The following MYO5A variants were observed in gnomAD, a reference collection of about 807,000 sequenced individuals.
MYO5A encodes myosin VA.
In MYO5A, 98 loss-of-function variants were observed where a neutral mutation model predicts 249.7. The observed-to-expected ratio is 0.39, with a 90% confidence interval of 0.33 to 0.46. The LOEUF (loss-of-function observed/expected upper bound fraction) is 0.46, where lower values mean the gene tolerates loss of function less well. MYO5A is among the 20% of genes least tolerant of loss of function. The probability of loss-of-function intolerance (pLI) is 0.98; values close to 1 mark genes in which losing one functional copy is unlikely to be tolerated. For missense variants in MYO5A, 1,696 were observed against 2,308.8 expected, an observed-to-expected ratio of 0.73 and a Z score of 5.44; for synonymous variants, 778 against 810.6, an observed-to-expected ratio of 0.96 and a Z score of 0.68.
chr15:52,390,849 C>T (rs1005069394), intron 12 of MYO5A, among the ~76,000 whole-genome samples: 2 of 152,100 alleles, frequency 1.3e-5, no homozygotes, highest in Non-Finnish European at 2.9e-5. Context: ...ATAAGCCCAT[C>T]ATGCCCGGCC....
chr15:52,419,553 A>G (rs1486740132), intron 4 of MYO5A, among the ~76,000 whole-genome samples: 2 of 152,206 alleles, frequency 1.3e-5, no homozygotes, highest in Non-Finnish European at 2.9e-5. Context: ...ATGAGTTTAC[A>G]ATTATAATAT....
At chr15:52,489,025 G>A (rs148841838) in intron 1 of MYO5A, among the ~76,000 whole-genome samples, 56 of 152,226 alleles carry the variant, frequency 3.7e-4, no homozygotes, top group Admixed American at 7.9e-4. Flanking sequence ...TCTACATGGC[G>A]TGTACATGCA....
intron 33 of MYO5A, among the ~76,000 whole-genome samples, chr15:52,337,215 T>C (rs564034591): frequency 1.3e-5 from 2 of 152,322 alleles, no homozygotes; most frequent in South Asian, 4.1e-4. Context: ...TATTTATGAA[T>C]GCTTTATGCA....
chr15:52,466,414 T>C (rs1019475071), intron 1 of MYO5A, among the ~76,000 whole-genome samples: 2 of 152,168 alleles, frequency 1.3e-5, no homozygotes, highest in African/African-American at 2.4e-5. Flanking sequence ...AGGTGTAGTA[T>C]TGAGCTGCAC....
chr15:52,454,821 G>T (rs1247570410), intron 1 of MYO5A, among the ~76,000 whole-genome samples: 1 of 151,884 alleles, frequency 6.6e-6, no homozygotes, highest in Non-Finnish European at 1.5e-5. Context: ...TACAGCAAAA[G>T]CAGTACTAAG....
chr15:52,347,451 C>A (rs60326752), intron 29 of MYO5A, among the ~76,000 whole-genome samples: 5,583 of 152,254 alleles, frequency 0.037, 347 homozygotes, highest in African/African-American at 0.13. Flanking sequence ...AGCTTTTGGA[C>A]CACATATTTG....
chr15:52,437,615 A>AG (rs1491538327), intron 1 of MYO5A, among the ~76,000 whole-genome samples: 15 of 137,872 alleles, frequency 1.1e-4, no homozygotes, highest in African/African-American at 3.8e-4. Context: ...AAAAAAAAAA[A>AG]AGAGAGAGAG....
chr15:52,448,443 C>T (rs2075941419), intron 1 of MYO5A, among the ~76,000 whole-genome samples: 1 of 152,124 alleles, frequency 6.6e-6, no homozygotes. Flanking sequence ...ATTTTACAGG[C>T]TCATAGGCAA....
At chr15:52,524,117 C>T (rs899768839) in intron 1 of MYO5A, among the ~76,000 whole-genome samples, 1 of 152,218 alleles carries the variant, frequency 6.6e-6, no homozygotes, top group African/African-American at 2.4e-5. Flanking sequence ...AGTTAACATG[C>T]TTTGCAAATG....
At chr15:52,454,588 T>C (rs1581580) in intron 1 of MYO5A, among the ~76,000 whole-genome samples, 2 of 151,896 alleles carry the variant, frequency 1.3e-5, no homozygotes, top group South Asian at 2.1e-4. Flanking sequence ...TTCTCCAGAA[T>C]AGAACATAAC....
chr15:52,413,966 G>A lies in MYO5A; in HGVS notation c.612+2179C>T, dbSNP rs117605555. ...TTGACTGCTGTGGTTTGGATATAAC[G>A]TGTCCCCACCAAAATTCATGTTGAA... On this transcript the variant is annotated intron_variant, in intron 5 of 41. Transcript: ENST00000399233. 4.5e-4 allele frequency among the ~76,000 whole-genome samples: 68 copies of A among 152,244 alleles called. 1 individual carries two copies. The East Asian group carries it at 7.1e-3, about 16-fold the overall frequency.
At chr15:52,520,428 G>C (rs2141656968) in intron 1 of MYO5A, among the ~76,000 whole-genome samples, 2 of 152,266 alleles carry the variant, frequency 1.3e-5, no homozygotes, top group South Asian at 4.1e-4. Context: ...TCCAGGCCCA[G>C]TGCTGTAAGA....
At chr15:52,492,951 G>A (rs891182963) in intron 1 of MYO5A, among the ~76,000 whole-genome samples, 1 of 152,204 alleles carries the variant, frequency 6.6e-6, no homozygotes, top group African/African-American at 2.4e-5. Context: ...CTCAGAGATA[G>A]TGCTTAGGCT....
Position 52,315,656 on chromosome 15 carries a change from G to A in MYO5A, c.5409+1392C>T, listed in dbSNP as rs543790362. On this transcript the variant is annotated intron_variant, in intron 40 of 41. Transcript: ENST00000399233. ...CCCAAAGTGCTGGGATTACAGGTGT[G>A]AGCCAGCACGCCTGGCCTACTGATT... Among the ~76,000 whole-genome samples, 8 of 151,568 alleles carry A rather than the reference G, an allele frequency of 5.3e-5. No individual in the cohort carries two copies. The South Asian group carries it at 1.5e-3, about 28-fold the overall frequency.
intron 1 of MYO5A, among the ~76,000 whole-genome samples, chr15:52,504,512 C>T (rs2077225281): frequency 6.6e-6 from 1 of 152,164 alleles, no homozygotes; most frequent in Non-Finnish European, 1.5e-5. Flanking sequence ...CTAAATAACA[C>T]CATATAGACA....
chr15:52,316,011 G>A (rs1230758357), intron 40 of MYO5A, among the ~76,000 whole-genome samples: 2 of 151,800 alleles, frequency 1.3e-5, no homozygotes, highest in South Asian at 2.1e-4. Context: ...GAGGCGGGTG[G>A]ATCATGAGGT....
At chr15:52,395,624 T>C (rs559852949) in intron 11 of MYO5A, among the ~76,000 whole-genome samples, 31 of 152,268 alleles carry the variant, frequency 2.0e-4, no homozygotes, top group South Asian at 4.2e-4. Context: ...GTACTATTAT[T>C]ATCTCCATTT....
Position 52,445,737 on chromosome 15 carries a change from C to T in MYO5A, c.28-12452G>A, listed in dbSNP as rs144513963. Among the ~76,000 whole-genome samples, 68 of 152,280 alleles carry T rather than the reference C, an allele frequency of 4.5e-4. 1 individual carries two copies. The East Asian group carries it at 6.9e-3, about 16-fold the overall frequency. ...CTTAGTGGAACTGGAGCAAAGGTCACGTGTGTTACGCCTCACCAAAGAACT... is the reference window on the plus strand; with the variant it reads ...CTTAGTGGAACTGGAGCAAAGGTCATGTGTGTTACGCCTCACCAAAGAACT... On this transcript the variant is annotated intron_variant, in intron 1 of 41. Transcript: ENST00000399233.
chr15:52,498,828 G>A (rs1269949075), intron 1 of MYO5A, among the ~76,000 whole-genome samples: 5 of 152,090 alleles, frequency 3.3e-5, no homozygotes, highest in South Asian at 2.1e-4. Flanking sequence ...TTCATTTGAT[G>A]TTTAGAAGTA....
Sources: gnomAD v4.1 joint callset for allele counts (sites outside exome capture counted in the v4.1 genomes callset) on GRCh38, gnomAD v4.1.1 for gene constraint, MANE v1.5 for transcripts, NCBI Gene and HGNC (gene_info 2026-07-23, HGNC 2026-07-21) for gene names.